Variants in LBP observed in about 807,000 individuals in gnomAD.
The protein encoded by LBP is lipopolysaccharide-binding protein.
LBP carries 53 observed loss-of-function variants against 56.6 expected under a neutral mutation model. That is an observed-to-expected ratio of 0.94 (90% CI 0.75 to 1.18). The LOEUF is 1.18. Among genes scored for constraint, LBP ranks in the 50% most tolerant of loss-of-function variants. The pLI is 0.00. For missense variants in LBP, 601 were observed against 598.3 expected, an observed-to-expected ratio of 1.00 and a Z score of -0.05; for synonymous variants, 227 against 247.5, an observed-to-expected ratio of 0.92 and a Z score of 0.78.
intron 1 of LBP, among the ~76,000 whole-genome samples, chr20:38,348,400 A>C (rs1402814336): frequency 2.8e-4 from 41 of 148,966 alleles, no homozygotes; most frequent in African/African-American, 9.7e-4. Flanking sequence ...GCAACCTCCG[A>C]CTCCCTGGTT....
chr20:38,374,950 A>ATTTTTTTTTT (rs370110558), intron 14 of LBP, among the ~76,000 whole-genome samples: 2,618 of 126,798 alleles, frequency 0.021, 57 homozygotes, highest in South Asian at 0.036. Flanking sequence ...CTCCCAGCTA[A>ATTTTTTTTTT]TTTTTTTTTT....
Position 38,364,078 on chromosome 20 carries a change from G to GGGGCC in LBP, c.744+17_744+21dup. On this transcript the variant is annotated intron_variant, in intron 7 of 14. Transcript: ENST00000217407. Reference sequence around the variant, plus strand: ...AGGTGATGTTTAAGGTGAGGGTCCTGGGGCCGGGCTGCGTGGGTGAGGCTT... The same window carrying GGGGCC: ...AGGTGATGTTTAAGGTGAGGGTCCTGGGGCCGGGCCGGGCTGCGTGGGTGAGGCTT... 1 of 1,595,238 alleles carries GGGGCC rather than the reference G, an allele frequency of 6.3e-7. No homozygotes were observed. The highest frequency in any genetic ancestry group is 1.1e-5 in the South Asian group (1 of 90,680).
At chr20:38,371,827 C>A (rs529514379) in intron 12 of LBP, among the ~76,000 whole-genome samples, 1 of 152,228 alleles carries the variant, frequency 6.6e-6, no homozygotes, top group South Asian at 2.1e-4. Flanking sequence ...TGCACACACA[C>A]ACACAAAATC....
intron 14 of LBP, among the ~76,000 whole-genome samples, chr20:38,375,126 A>G (rs1003837093): frequency 1.9e-4 from 29 of 151,734 alleles, no homozygotes; most frequent in African/African-American, 7.0e-4. Flanking sequence ...AAAATTATTC[A>G]TAAACCTATT....
intron 8 of LBP, among the ~76,000 whole-genome samples, chr20:38,365,711 A>ATATATATAT (rs1160522406): frequency 2.6e-5 from 1 of 38,594 alleles, no homozygotes; most frequent in Non-Finnish European, 5.8e-5. Context: ...AAAAAAAAAA[A>ATATATATAT]AAAAAAATAT....
intron 10 of LBP, 150 bp downstream of exon 10, chr20:38,369,312 C>A (rs1296286663): frequency 3.9e-6 from 3 of 763,312 alleles, no homozygotes; most frequent in East Asian, 2.7e-5. Flanking sequence ...TTCTTGCTGG[C>A]CCTTACCCCC....
intron 4 of LBP, 88 bp downstream of exon 4, chr20:38,354,527 A>G (rs930609822): frequency 4.7e-5 from 60 of 1,279,402 alleles, no homozygotes; most frequent in Non-Finnish European, 6.1e-5. Flanking sequence ...GATAATTGCA[A>G]TGATCCAGGT....
intron 3 of LBP, among the ~76,000 whole-genome samples, chr20:38,353,349 A>G (rs941780322): frequency 3.9e-5 from 6 of 152,056 alleles, no homozygotes; most frequent in Non-Finnish European, 7.4e-5. Context: ...CCAGCTCCAG[A>G]CAACCACCAC....
chr20:38,364,528 C>G, intron 7 of LBP, 48 bp from the exon 8 acceptor site: 1 of 1,590,720 alleles, frequency 6.3e-7, no homozygotes, highest in Non-Finnish European at 8.6e-7. Flanking sequence ...AGCCCCTGCC[C>G]CACGATAGGC....
Position 38,365,303 on chromosome 20 carries a change from T to C in LBP, c.921+551T>C, listed in dbSNP as rs2076876735. ...TGGAAGACTTTGCAGCTTACTTATCTGTGTTTTGCTTTTCTAGACCTGTTT... is the reference window on the plus strand; with the variant it reads ...TGGAAGACTTTGCAGCTTACTTATCCGTGTTTTGCTTTTCTAGACCTGTTT... On this transcript the variant is annotated intron_variant, in intron 8 of 14. Transcript: ENST00000217407. Among the ~76,000 whole-genome samples the C allele has an allele frequency of 2.6e-5, 4 of 151,826 alleles. No homozygotes were observed. In the South Asian group the frequency reaches 8.3e-4, roughly 32 times the overall value.
intron 3 of LBP, among the ~76,000 whole-genome samples, chr20:38,353,849 CT>C (rs1051870606): frequency 4.0e-5 from 6 of 151,150 alleles, no homozygotes; most frequent in Non-Finnish European, 7.4e-5. Context: ...CTGTTCATAT[CT>C]TTTTTTTTCT....
Position 38,346,584 on chromosome 20 carries a change from C to T in LBP, c.68C>T (p.Ala23Val). 1.9e-6 allele frequency: 3 copies of T among 1,613,820 alleles called. No homozygotes were observed. The highest frequency in any genetic ancestry group is 1.6e-4 in the Middle Eastern group (1 of 6,062). Residue 23 changes from alanine (A) to valine (V), a missense_variant, in exon 1 of 15, where the codon GCT becomes GTT. Physicochemically the swap from Ala to Val is moderately conservative, Grantham distance 64 (BLOSUM62 0). Transcript: ENST00000217407. The part of the protein sequence containing the change: ...LALLLTSTPE[A>V]LGANPGLVAR... ...TTGCTGCTTACGTCCACCCCAGAGG[C>T]TCTGGGTGCCAACCCCGGCTTGGTC...
At chr20:38,360,436 C>T (rs1200205201) in intron 5 of LBP, among the ~76,000 whole-genome samples, 2 of 152,196 alleles carry the variant, frequency 1.3e-5, no homozygotes, top group Non-Finnish European at 2.9e-5. Flanking sequence ...GCCCCCTCCT[C>T]AGGCTGTGTC....
At chr20:38,362,045 TTTG>T (rs2076861941) in intron 6 of LBP, among the ~76,000 whole-genome samples, 1 of 150,812 alleles carries the variant, frequency 6.6e-6, no homozygotes, top group African/African-American at 2.4e-5. Flanking sequence ...GCCTTTATTT[TTTG>T]TTTTCTTTTT....
Position 38,350,883 on chromosome 20 carries a change from C to A in LBP, c.312C>A (p.Ser104Arg). 1 of 1,614,068 alleles carries A rather than the reference C, an allele frequency of 6.2e-7. No homozygotes were observed. Among genetic ancestry groups the A allele is most frequent in the Non-Finnish European group, 8.5e-7 (1 of 1,179,944 alleles). The change falls in exon 3 of 15, where the codon AGC (serine) becomes AGA (arginine). Residue 104 changes from serine (S) to arginine (R), a missense_variant. By Grantham distance (110) the Ser-to-Arg change is moderately radical (BLOSUM62 -1). Coordinates refer to ENST00000217407, the MANE Select transcript of LBP (RefSeq NM_004139.5). ...RPVPGQGLSL[S>R]ISDSSIRVQG... ...TCCCTGGCCAGGGCCTGAGTCTCAG[C>A]ATCTCCGACTCCTCCATCCGGGTCC... is the stretch of plus-strand genomic sequence containing the variant.
At chr20:38,360,795 C>T (rs200761242) in intron 6 of LBP, 28 bp downstream of exon 6, 1 of 1,536,196 alleles carries the variant, frequency 6.5e-7, no homozygotes, top group Admixed American at 1.7e-5. Context: ...TCCCGGGACA[C>T]TTTTATTTCT....
Position 38,364,591 on chromosome 20 carries a change from C to G in LBP, c.760C>G (p.Arg254Gly). The change falls in exon 8 of 15, where the codon CGT becomes GGT. Residue 254 changes from arginine to glycine, a missense_variant. Transcript: ENST00000217407. ...CCCTCTCCAGGGTGAAATCTTTCAT[C>G]GTAACCACCGTTCTCCAGTTACCCT... ...EVMFKGEIFH[R>G]NHRSPVTLLA... The G allele has an allele frequency of 6.2e-7, 1 of 1,614,094 alleles. No individual in the cohort carries two copies. The highest frequency in any genetic ancestry group is 8.5e-7 in the Non-Finnish European group (1 of 1,179,992).
rs1434224021 is a variant in LBP, at chr20:38,349,571, C to T, written c.148C>T (p.Leu50=). The T allele has an allele frequency of 6.2e-7, 1 of 1,609,968 alleles. No homozygotes were observed. Among genetic ancestry groups the T allele is most frequent in the East Asian group, 2.2e-5 (1 of 44,766 alleles). ...AGCGGCCCAGGAGGGGCTATTAGCT[C>T]TGCAGAGTGAGCTGCTCAGGATCAC... ...QYAAQEGLLA[L]QSELLRITLP... Residue 50 remains leucine (L), a synonymous_variant, in exon 2 of 15, where the codon CTG becomes TTG. Transcript: ENST00000217407.
rs41456247 is a variant in LBP, at chr20:38,364,091, G to A, written c.744+25G>A. 426 of 1,523,904 alleles carry A rather than the reference G, an allele frequency of 2.8e-4. 1 individual carries two copies. The East Asian group carries it at 8.8e-3, about 31-fold the overall frequency. 94.4% of individuals were successfully genotyped at this position (1,523,904 alleles called of 1,614,324 possible). A position where few individuals can be genotyped will look rare whatever the true frequency, so the allele number is the denominator to read the frequency against. On this transcript the variant is annotated intron_variant, in intron 7 of 14. Coordinates refer to ENST00000217407, the MANE Select transcript of LBP (RefSeq NM_004139.5). Reference sequence around the variant, plus strand: ...GGTGAGGGTCCTGGGGCCGGGCTGCGTGGGTGAGGCTTTCCCTCAGGGTCA... The same window carrying A: ...GGTGAGGGTCCTGGGGCCGGGCTGCATGGGTGAGGCTTTCCCTCAGGGTCA...
Sources: allele counts gnomAD v4.1 joint callset (sites outside exome capture counted in the v4.1 genomes callset), GRCh38; gene constraint gnomAD v4.1.1; transcripts MANE v1.5; gene names NCBI Gene and HGNC (gene_info 2026-07-23, HGNC 2026-07-21).